Variants in FHIT observed in about 807,000 individuals in gnomAD.
The protein encoded by FHIT is bis(5'-adenosyl)-triphosphatase.
A neutral mutation model predicts 17.9 loss-of-function variants in FHIT; 19 were observed. The observed-to-expected ratio is 1.06, with a 90% confidence interval of 0.74 to 1.56. FHIT has a LOEUF of 1.56. Among genes scored for constraint, FHIT ranks in the 40% most tolerant of loss-of-function variants. The pLI is 0.00. For synonymous variants in FHIT, 81 were observed against 69.7 expected, an observed-to-expected ratio of 1.16 and a Z score of -0.81; for missense variants, 248 against 189.2, an observed-to-expected ratio of 1.31 and a Z score of -1.82.
chr3:60,286,045 G>A (rs1290112139), intron 5 of FHIT, among the ~76,000 whole-genome samples: 1 of 152,130 alleles, frequency 6.6e-6, no homozygotes, highest in Non-Finnish European at 1.5e-5. Flanking sequence ...GGAGGAAGCA[G>A]GGGTGGGGAG....
At chr3:60,333,404 A>T (rs547486001) in intron 5 of FHIT, among the ~76,000 whole-genome samples, 2 of 152,204 alleles carry the variant, frequency 1.3e-5, no homozygotes, top group South Asian at 4.1e-4. Context: ...GTTTACACTA[A>T]AAACTCCACA....
intron 2 of FHIT, among the ~76,000 whole-genome samples, chr3:61,127,766 A>C (rs771360519): frequency 2.6e-5 from 4 of 152,076 alleles, no homozygotes; most frequent in Non-Finnish European, 4.4e-5. Context: ...GATACTCAGG[A>C]GGCTGAGACA....
intron 1 of FHIT, among the ~76,000 whole-genome samples, chr3:61,210,161 G>T (rs1047266120): frequency 6.6e-6 from 1 of 151,766 alleles, no homozygotes; most frequent in Non-Finnish European, 1.5e-5. Context: ...CTGCTTGATC[G>T]TTCAAGTTTT....
Position 60,181,848 on chromosome 3 carries a change from A to G in FHIT, c.104-167696T>C, listed in dbSNP as rs141637244. Among the ~76,000 whole-genome samples the G allele has an allele frequency of 5.4e-3, 823 of 152,238 alleles. 12 individuals are homozygous for G. Among genetic ancestry groups the G allele is most frequent in the African/African-American group, 0.019 (789 of 41,546 alleles). On this transcript the variant is annotated intron_variant, in intron 5 of 9. Coordinates refer to ENST00000492590, the MANE Select transcript of FHIT (RefSeq NM_002012.4). ...ATTTTAGCATTTATTAAGTTGTTAC[A>G]TGTCTGACTCCAAAAGAAATGGAGG... is the stretch of plus-strand genomic sequence containing the variant.
chr3:61,118,840 G>A (rs543977692), intron 2 of FHIT, among the ~76,000 whole-genome samples: 7 of 152,170 alleles, frequency 4.6e-5, no homozygotes, highest in South Asian at 2.1e-4. Context: ...TATCATGATC[G>A]TCTCTGATAT....
chr3:60,977,647 A>C (rs1341206203), intron 3 of FHIT, among the ~76,000 whole-genome samples: 1 of 152,078 alleles, frequency 6.6e-6, no homozygotes, highest in Admixed American at 6.5e-5. Context: ...TGAGATGGGC[A>C]AATCACCTGA....
chr3:60,893,286 AGT>A (rs1368867122), intron 3 of FHIT, among the ~76,000 whole-genome samples: 2 of 152,158 alleles, frequency 1.3e-5, no homozygotes, highest in Admixed American at 1.3e-4. Flanking sequence ...CATCAAACCT[AGT>A]ATAAAAGCAC....
intron 7 of FHIT, among the ~76,000 whole-genome samples, chr3:60,001,045 C>A (rs1453675137): frequency 6.6e-6 from 1 of 152,208 alleles, no homozygotes; most frequent in East Asian, 1.9e-4. Context: ...AGTGACCACC[C>A]CATCTAAAGT....
intron 5 of FHIT, among the ~76,000 whole-genome samples, chr3:60,455,309 G>A (rs2032019117): frequency 6.6e-6 from 1 of 151,964 alleles, no homozygotes; most frequent in Non-Finnish European, 1.5e-5. Flanking sequence ...AGATAACAAG[G>A]GCCCTCATCC....
At chr3:60,853,886 C>T (rs972896865) in intron 3 of FHIT, among the ~76,000 whole-genome samples, 1 of 152,018 alleles carries the variant, frequency 6.6e-6, no homozygotes, top group Non-Finnish European at 1.5e-5. Flanking sequence ...TGATTTTTCC[C>T]AAGATTTGTT....
intron 8 of FHIT, among the ~76,000 whole-genome samples, chr3:59,797,213 G>C (rs1002123738): frequency 6.7e-6 from 1 of 149,116 alleles, no homozygotes; most frequent in South Asian, 2.1e-4. Flanking sequence ...TTGAGACAGA[G>C]TCTTGCTCTG....
chr3:60,203,248 G>A (rs1703001231), intron 5 of FHIT, among the ~76,000 whole-genome samples: 1 of 152,038 alleles, frequency 6.6e-6, no homozygotes, highest in African/African-American at 2.4e-5. Context: ...AAAAAAAAAT[G>A]ACAACCACCA....
intron 5 of FHIT, among the ~76,000 whole-genome samples, chr3:60,320,410 A>G (rs1365308613): frequency 6.6e-6 from 1 of 152,216 alleles, no homozygotes; most frequent in African/African-American, 2.4e-5. Context: ...AGCAATAGCA[A>G]GTGACAAAAA....
chr3:60,320,429 T>C (rs1425726951), intron 5 of FHIT, among the ~76,000 whole-genome samples: 1 of 152,088 alleles, frequency 6.6e-6, no homozygotes, highest in African/African-American at 2.4e-5. Flanking sequence ...AATGGCTAAC[T>C]GGAGAGGAAA....
intron 3 of FHIT, among the ~76,000 whole-genome samples, chr3:60,925,789 C>T (rs1272419864): frequency 3.3e-5 from 5 of 152,124 alleles, no homozygotes; most frequent in Admixed American, 6.5e-5. Context: ...AGTCAAGACC[C>T]ATCAGTGTGC....
intron 2 of FHIT, among the ~76,000 whole-genome samples, chr3:61,152,390 T>A (rs1259674077): frequency 1.3e-5 from 2 of 152,228 alleles, no homozygotes; most frequent in African/African-American, 4.8e-5. Flanking sequence ...TTTTAATAGA[T>A]TCAAGTGTTT....
At chr3:60,929,481 A>G (rs527762835) in intron 3 of FHIT, among the ~76,000 whole-genome samples, 5 of 152,128 alleles carry the variant, frequency 3.3e-5, no homozygotes, top group Admixed American at 6.5e-5. Flanking sequence ...TCAGCCCAAA[A>G]TCTCCTTAAG....
chr3:59,921,804 T>C (rs1170002631), intron 8 of FHIT, among the ~76,000 whole-genome samples: 1 of 152,248 alleles, frequency 6.6e-6, no homozygotes, highest in Non-Finnish European at 1.5e-5. Flanking sequence ...CTTGTATCTT[T>C]GAATGGGAGT....
intron 4 of FHIT, among the ~76,000 whole-genome samples, chr3:60,742,026 T>C (rs184590387): frequency 1.9e-3 from 291 of 152,342 alleles, no homozygotes; most frequent in African/African-American, 6.6e-3. Flanking sequence ...TTCTGATGCA[T>C]GAACCGTACT....
Sources: gnomAD v4.1 joint callset for allele counts (sites outside exome capture counted in the v4.1 genomes callset) on GRCh38, gnomAD v4.1.1 for gene constraint, MANE v1.5 for transcripts, NCBI Gene and HGNC (gene_info 2026-07-23, HGNC 2026-07-21) for gene names.